The following KYAT3 variants were observed in gnomAD, a reference collection of about 807,000 sequenced individuals.
KYAT3 encodes the protein kynurenine--oxoglutarate transaminase 3.
KYAT3 carries 50 observed loss-of-function variants against 59.0 expected under a neutral mutation model. The observed-to-expected ratio is 0.85, with a 90% CI of 0.68 to 1.07. KYAT3 has a LOEUF of 1.07. Ranked by LOEUF, KYAT3 falls within the 50% of genes least tolerant of loss-of-function variation. The pLI, the probability that KYAT3 is intolerant of heterozygous loss-of-function variation, is 0.00. For synonymous variants in KYAT3, 148 were observed against 177.0 expected (o/e 0.84, Z 1.30); for missense variants, 497 against 533.3 (o/e 0.93, Z 0.67).
chr1:88,985,191 T>C (rs756648452), intron 2 of KYAT3, among the ~76,000 whole-genome samples: 11 of 152,078 alleles, frequency 7.2e-5, no homozygotes, highest in African/African-American at 2.7e-4. Context: ...TCAAAAAAAA[T>C]TGGGTTCAAG....
In KYAT3 at chr1:88,948,140, C is replaced by CAAAACA. The variant is rs200348743; in HGVS notation, c.1141+950_1141+951insTGTTTT. On this transcript the variant is annotated intron_variant, in intron 11 of 13. Coordinates refer to ENST00000260508, the MANE Select transcript of KYAT3 (RefSeq NM_001008661.3). Reference sequence around the variant, plus strand: ...CAAAACAAAACAAAACAAAACAAAACAAACTCCTATGTGAAGGATGTAAAG... The same window carrying CAAAACA: ...CAAAACAAAACAAAACAAAACAAAACAAAACAAAACTCCTATGTGAAGGATGTAAAG... 2.7e-3 allele frequency among the ~76,000 whole-genome samples: 388 copies of CAAAACA among 145,704 alleles called. 1 individual carries two copies. The highest frequency in any genetic ancestry group is 8.8e-3 in the African/African-American group (359 of 40,618).
intron 10 of KYAT3, among the ~76,000 whole-genome samples, chr1:88,949,654 A>G (rs1675596154): frequency 6.6e-6 from 1 of 152,222 alleles, no homozygotes; most frequent in Non-Finnish European, 1.5e-5. Flanking sequence ...GCCTCTCACC[A>G]TTACATTTGG....
At chr1:88,959,780 C>T (rs999953408) in intron 8 of KYAT3, among the ~76,000 whole-genome samples, 1 of 151,472 alleles carries the variant, frequency 6.6e-6, no homozygotes, top group Non-Finnish European at 1.5e-5. Flanking sequence ...TTTTTTATTC[C>T]CCTCAAACAG....
chr1:88,960,076 GCACAGAC>G (rs1676080804), intron 8 of KYAT3, among the ~76,000 whole-genome samples: 1 of 147,620 alleles, frequency 6.8e-6, no homozygotes, highest in Non-Finnish European at 1.5e-5. Flanking sequence ...GCGACTACAG[GCACAGAC>G]CACCATACCT....
At chr1:88,961,677 AG>A (rs1676152250) in intron 6 of KYAT3, among the ~76,000 whole-genome samples, 171 bp from the exon 7 acceptor site, 1 of 152,246 alleles carries the variant, frequency 6.6e-6, no homozygotes, top group African/African-American at 2.4e-5. Context: ...AACTAGAAAA[AG>A]ACTAACAAAG....
intron 11 of KYAT3, among the ~76,000 whole-genome samples, chr1:88,948,060 C>T (rs559088584): frequency 6.6e-6 from 1 of 152,004 alleles, no homozygotes; most frequent in South Asian, 2.1e-4. Flanking sequence ...CCACTGCACT[C>T]CAGCCTGGGT....
intron 13 of KYAT3, among the ~76,000 whole-genome samples, chr1:88,942,221 T>C (rs1316848597): frequency 6.6e-6 from 1 of 152,124 alleles, no homozygotes; most frequent in Non-Finnish European, 1.5e-5. Flanking sequence ...AAGTATTTCA[T>C]AGCAGATATT....
rs1215769589 is a variant in KYAT3, at chr1:88,949,285, T to C, written c.955-8A>G. On this transcript the variant is annotated splice_region_variant and splice_polypyrimidine_tract_variant and intron_variant, in intron 10 of 13. Coordinates refer to ENST00000260508, the MANE Select transcript of KYAT3 (RefSeq NM_001008661.3). ...AGCTTGAGCCAAGGCTTCCTGTTTG[T>C]TAAGAATCAAAAAATATGAAAAGGC... 1 of 1,525,768 alleles carries C rather than the reference T, an allele frequency of 6.6e-7. No individual in the cohort carries two copies. Among genetic ancestry groups the C allele is most frequent in the African/African-American group, 1.4e-5 (1 of 70,536 alleles). The allele number at this position is 1,525,768 out of a possible 1,614,324, so 94.5% of individuals were successfully genotyped here. A position where few individuals can be genotyped will look rare whatever the true frequency, so the allele number is the denominator to read the frequency against.
intron 10 of KYAT3, among the ~76,000 whole-genome samples, chr1:88,951,722 C>G (rs1675684384): frequency 6.6e-6 from 1 of 151,442 alleles, no homozygotes; most frequent in South Asian, 2.1e-4. Context: ...TATCTCAGTA[C>G]AGTAATTATA....
chr1:88,990,634 AAGACCT>A (rs1226200615), intron 1 of KYAT3, among the ~76,000 whole-genome samples: 2 of 152,174 alleles, frequency 1.3e-5, no homozygotes, highest in African/African-American at 4.8e-5. Flanking sequence ...ATGGAATTCC[AAGACCT>A]AGACCTAGGC....
intron 2 of KYAT3, chr1:88,981,469 T>C (rs181719227): frequency 3.0e-4 from 46 of 154,470 alleles, no homozygotes; most frequent in Middle Eastern, 1.2e-3. Flanking sequence ...TTACTTCCCC[T>C]TTTCCATTTG....
chr1:88,971,151 G>A (rs1030367346), intron 2 of KYAT3, among the ~76,000 whole-genome samples: 4 of 152,194 alleles, frequency 2.6e-5, no homozygotes, highest in African/African-American at 9.6e-5. Flanking sequence ...TCATTCAGTA[G>A]AGACCACAAA....
At chr1:88,991,425 C>T (rs757015714) in intron 1 of KYAT3, among the ~76,000 whole-genome samples, 75 of 152,158 alleles carry the variant, frequency 4.9e-4, no homozygotes, top group Non-Finnish European at 9.1e-4. Context: ...AATAATGCGC[C>T]GCCCACACTG....
chr1:88,941,759 G>C (rs1032389425), intron 13 of KYAT3, among the ~76,000 whole-genome samples: 1 of 152,074 alleles, frequency 6.6e-6, no homozygotes, highest in Non-Finnish European at 1.5e-5. Flanking sequence ...TCCCAGGCTG[G>C]TCTTGAACTC....
At chr1:88,949,796 G>T (rs920834802) in intron 10 of KYAT3, among the ~76,000 whole-genome samples, 7 of 152,208 alleles carry the variant, frequency 4.6e-5, no homozygotes, top group African/African-American at 1.7e-4. Flanking sequence ...AGAGGGACTA[G>T]AAATGAGTTT....
chr1:88,965,272 AT>A (rs1170671581), intron 4 of KYAT3, among the ~76,000 whole-genome samples: 3 of 152,150 alleles, frequency 2.0e-5, no homozygotes, highest in Non-Finnish European at 4.4e-5. Context: ...AACCATTTGT[AT>A]TTTTTGACAG....
At chr1:88,979,546 G>A (rs1286941835) in intron 2 of KYAT3, 1 of 152,088 alleles carries the variant, frequency 6.6e-6, no homozygotes, top group Non-Finnish European at 1.5e-5. Context: ...CAAAAGATTT[G>A]ACAGCCACTT....
At chr1:88,966,967 A>G (rs1169825691) in intron 4 of KYAT3, among the ~76,000 whole-genome samples, 1 of 152,152 alleles carries the variant, frequency 6.6e-6, no homozygotes, top group Non-Finnish European at 1.5e-5. Flanking sequence ...CTGATAATAT[A>G]GCATAATTGC....
At chr1:88,983,075 G>C (rs1046909685) in intron 2 of KYAT3, 8 of 1,612,428 alleles carry the variant, frequency 5.0e-6, no homozygotes, top group Non-Finnish European at 6.8e-6. Context: ...GTCATCACGT[G>C]AACTGGAATG....
Sources: allele counts gnomAD v4.1 joint callset (sites outside exome capture counted in the v4.1 genomes callset), GRCh38; gene constraint gnomAD v4.1.1; transcripts MANE v1.5; gene names NCBI Gene and HGNC (gene_info 2026-07-23, HGNC 2026-07-21).